The following IL16 variants were observed in gnomAD, a reference collection of about 807,000 sequenced individuals.
The protein encoded by IL16 is interleukin 16.
IL16 carries 67 observed loss-of-function variants against 110.1 expected under a neutral mutation model. The observed-to-expected ratio is 0.61, with a 90% confidence interval of 0.50 to 0.75. The LOEUF (loss-of-function observed/expected upper bound fraction) is 0.75, where lower values mean the gene tolerates loss of function less well. IL16 is among the 30% of genes least tolerant of loss of function. The pLI is 0.00. For synonymous variants in IL16, 689 were observed against 662.9 expected (o/e 1.04, Z -0.61); for missense variants, 1,545 against 1,655.0 (o/e 0.93, Z 1.15).
At chr15:81,195,405 A>C (rs780877361), upstream of IL16, among the ~76,000 whole-genome samples, 23 of 152,132 alleles carry the variant, frequency 1.5e-4, no homozygotes, top group Admixed American at 7.2e-4. Context: ...TGTGAGAGAG[A>C]TTGTGGGTGT....
intron 2 of IL16, among the ~76,000 whole-genome samples, chr15:81,244,889 A>C (rs969848900): frequency 6.6e-6 from 1 of 151,876 alleles, no homozygotes; most frequent in Non-Finnish European, 1.5e-5. Flanking sequence ...TCTTGTTCAG[A>C]TTGAGTAATT....
At chr15:81,231,334 C>G (rs865926332) in intron 2 of IL16, among the ~76,000 whole-genome samples, 10 of 115,472 alleles carry the variant, frequency 8.7e-5, no homozygotes, top group African/African-American at 2.8e-4. Flanking sequence ...GTCTCTCTCT[C>G]TCTCTCTCTC....
intron 1 of IL16, among the ~76,000 whole-genome samples, chr15:81,200,926 G>A (rs1895786915): frequency 6.6e-6 from 1 of 152,162 alleles, no homozygotes; most frequent in Non-Finnish European, 1.5e-5. Context: ...GGTTGGAGAA[G>A]GTGGACAGGT....
rs1485658372 is a variant in IL16, at chr15:81,299,708, A to G, written c.2382A>G (p.Gln794=). Residue 794 remains glutamine (Q), a synonymous_variant, in exon 14 of 19, where the codon CAA becomes CAG. Coordinates refer to ENST00000683961, the MANE Select transcript of IL16 (RefSeq NM_172217.5). ...PVAPKPAWFR[Q]SLKGLRNRAS... ...CTCCCAAGCCAGCCTGGTTTCGCCA[A>G]AGCTTGAAAGGTTTGAGGAATCGTG... 10 of 1,614,070 alleles carry G rather than the reference A, an allele frequency of 6.2e-6. No homozygotes were observed. The highest frequency in any genetic ancestry group is 3.3e-4 in the Middle Eastern group (2 of 6,084).
intron 3 of IL16, among the ~76,000 whole-genome samples, chr15:81,264,502 T>C (rs1321287528): frequency 6.6e-6 from 1 of 152,166 alleles, no homozygotes; most frequent in Non-Finnish European, 1.5e-5. Context: ...GTCTTTCCCA[T>C]CCTGAAAATA....
At chr15:81,256,027 G>A (rs1269393069) in intron 2 of IL16, among the ~76,000 whole-genome samples, 1 of 152,100 alleles carries the variant, frequency 6.6e-6, no homozygotes, top group Non-Finnish European at 1.5e-5. Context: ...AGAAACATGT[G>A]AAAAAATAGT....
intron 2 of IL16, among the ~76,000 whole-genome samples, chr15:81,257,412 G>A (rs1167669929): frequency 6.6e-6 from 1 of 152,106 alleles, no homozygotes; most frequent in Non-Finnish European, 1.5e-5. Context: ...ATACAAATAG[G>A]GAGAAATGCA....
chr15:81,270,680 CTT>C (rs1484101788), intron 5 of IL16, among the ~76,000 whole-genome samples: 2 of 152,108 alleles, frequency 1.3e-5, no homozygotes, highest in Non-Finnish European at 2.9e-5. Context: ...TTTGGATTGA[CTT>C]TTAAATTGTT....
chr15:81,194,389 A>G (rs1453068813), upstream of IL16, among the ~76,000 whole-genome samples: 1 of 152,030 alleles, frequency 6.6e-6, no homozygotes, highest in East Asian at 1.9e-4. Flanking sequence ...TATTACTTTT[A>G]TAACTAAAAT....
intron 2 of IL16, among the ~76,000 whole-genome samples, chr15:81,247,238 T>C (rs540315981): frequency 6.6e-6 from 1 of 152,040 alleles, no homozygotes; most frequent in South Asian, 2.1e-4. Flanking sequence ...TTCTCTACTT[T>C]CTTTGATGAT....
In IL16 at chr15:81,299,615, C is replaced by T. The variant is rs200130749; in HGVS notation, c.2289C>T (p.Thr763=). 2.3e-4 allele frequency: 373 copies of T among 1,614,204 alleles called. 1 individual carries two copies. Among genetic ancestry groups the T allele is most frequent in the East Asian group, 6.5e-4 (29 of 44,880 alleles). ...ATGGGACCCCACCAAAGCTGGACAC[C>T]GCCAATGGCACTCCCAAAGTTTACA... is the stretch of plus-strand genomic sequence containing the variant. ...HPDGTPPKLD[T]ANGTPKVYKS... is the part of the protein sequence containing the mutation. The change falls in exon 14 of 19, where the codon ACC becomes ACT. Residue 763 remains threonine, a synonymous_variant. Transcript: ENST00000683961.
In IL16 at chr15:81,285,767, G is replaced by A. The variant is rs746045639; in HGVS notation, c.1269G>A (p.Thr423=). The A allele has an allele frequency of 5.5e-5, 89 of 1,613,982 alleles. No individual in the cohort carries two copies. The Admixed American group carries it at 1.1e-3, about 21-fold the overall frequency. The change falls in exon 10 of 19, where the codon ACG becomes ACA. Residue 423 remains threonine (T), a synonymous_variant. Transcript: ENST00000683961. ...GCCTGACGCTCAATGAAGTCTACAC[G>A]ATCCTGAGTCACTGTGATCCCGGTC... ...VHCLTLNEVY[T]ILSHCDPGPV...
At chr15:81,295,187 C>T (rs1057375070) in intron 12 of IL16, 1 of 175,948 alleles carries the variant, frequency 5.7e-6, no homozygotes, top group Admixed American at 6.5e-5. Context: ...ACAAAAAAAC[C>T]AAACAAAAAC....
At chr15:81,184,986 G>A (rs1455788434) in intron 1 of IL16, among the ~76,000 whole-genome samples, 1 of 152,166 alleles carries the variant, frequency 6.6e-6, no homozygotes, top group African/African-American at 2.4e-5. Context: ...CTTCTGCTGG[G>A]AAATAGGAAT....
At chr15:81,287,211 G>A (rs1053180035) in intron 10 of IL16, among the ~76,000 whole-genome samples, 3 of 152,174 alleles carry the variant, frequency 2.0e-5, no homozygotes, top group Admixed American at 2.0e-4. Flanking sequence ...AAGATATCTC[G>A]AATATTTTTA....
At chr15:81,209,731 C>T (rs763395332) in intron 1 of IL16, among the ~76,000 whole-genome samples, 11 of 152,162 alleles carry the variant, frequency 7.2e-5, no homozygotes, top group Non-Finnish European at 1.6e-4. Flanking sequence ...TCCCTTCTCA[C>T]GGGGACACTC....
intron 16 of IL16, among the ~76,000 whole-genome samples, chr15:81,304,084 A>C (rs985913833): frequency 2.0e-5 from 3 of 152,172 alleles, no homozygotes; most frequent in African/African-American, 7.2e-5. Context: ...GCCCAACTGA[A>C]AACAAATCCT....
chr15:81,266,191 A>G (rs1898375573), intron 4 of IL16, among the ~76,000 whole-genome samples: 1 of 152,228 alleles, frequency 6.6e-6, no homozygotes. Context: ...ATTTATGCAC[A>G]TTCACACTGT....
intron 1 of IL16, among the ~76,000 whole-genome samples, chr15:81,186,103 C>A (rs551194080): frequency 1.3e-5 from 2 of 152,258 alleles, no homozygotes; most frequent in Admixed American, 1.3e-4. Flanking sequence ...AGTGTGCATC[C>A]CTCACTACCA....
Sources: gnomAD v4.1 joint callset for allele counts (sites outside exome capture counted in the v4.1 genomes callset) on GRCh38, gnomAD v4.1.1 for gene constraint, MANE v1.5 for transcripts, NCBI Gene and HGNC (gene_info 2026-07-23, HGNC 2026-07-21) for gene names.